CACNA1E: variants seen among roughly 807,000 people sequenced by gnomAD.
CACNA1E encodes calcium voltage-gated channel subunit alpha1 E, also known as voltage-dependent R-type calcium channel subunit alpha-1E.
Under a neutral mutation model 259.2 loss-of-function variants are expected in CACNA1E, and 40 were observed. That is an observed-to-expected ratio of 0.15 (90% CI 0.12 to 0.20). The LOEUF (loss-of-function observed/expected upper bound fraction) is 0.20. CACNA1E is among the 10% of genes least tolerant of loss of function. The pLI, the probability that CACNA1E is intolerant of heterozygous loss-of-function variation, is 1.00. For synonymous variants in CACNA1E, 1,104 were observed against 1,138.5 expected (o/e 0.97, Z 0.61); for missense variants, 1,874 against 3,040.1 (o/e 0.62, Z 9.02).
chr1:181,454,280 T>G (rs1408258013), intron 2 of CACNA1E, among the ~76,000 whole-genome samples: 2 of 152,166 alleles, frequency 1.3e-5, no homozygotes, highest in Non-Finnish European at 2.9e-5. Flanking sequence ...CCCACCCCGC[T>G]CCCCAGAGCC....
At chr1:181,680,574 A>G (rs1433820895) in intron 7 of CACNA1E, among the ~76,000 whole-genome samples, 1 of 152,050 alleles carries the variant, frequency 6.6e-6, no homozygotes, top group East Asian at 1.9e-4. Context: ...TGCTTCTCAC[A>G]CGCCCTGCCT....
intron 7 of CACNA1E, among the ~76,000 whole-genome samples, chr1:181,666,209 G>T (rs1179755317): frequency 6.6e-6 from 1 of 152,118 alleles, no homozygotes; most frequent in East Asian, 1.9e-4. Context: ...TTTAATTATA[G>T]AATTTGTATA....
intron 6 of CACNA1E, among the ~76,000 whole-genome samples, chr1:181,640,752 A>T (rs1385608733): frequency 6.6e-6 from 1 of 152,202 alleles, no homozygotes; most frequent in Non-Finnish European, 1.5e-5. Context: ...TGATATATTT[A>T]TTTCCAGAGA....
chr1:181,757,244 G>A, intron 30 of CACNA1E, 118 bp downstream of exon 30: 1 of 706,120 alleles, frequency 1.4e-6, no homozygotes, highest in East Asian at 2.7e-5. Context: ...ATAGAGAGAA[G>A]ATGGGAAAAG....
chr1:181,339,592 TAG>T lies in CACNA1E; in HGVS notation c.-15+21472_-15+21473del, dbSNP rs199780521. Among the ~76,000 whole-genome samples the T allele has an allele frequency of 6.6e-3, 1,002 of 152,220 alleles. 10 individuals are homozygous for T. Among genetic ancestry groups the T allele is most frequent in the African/African-American group, 0.023 (951 of 41,568 alleles). Reference sequence around the variant, plus strand: ...CCCAAATAACCTTCCAAGGAAATTGTAGAGTTTATTCATCTACCGACATAGTA... The same window carrying T: ...CCCAAATAACCTTCCAAGGAAATTGTAGTTTATTCATCTACCGACATAGTA... On this transcript the variant is annotated intron_variant, in intron 1 of 11. Coordinates refer to the CACNA1E transcript ENST00000524607.
intron 6 of CACNA1E, among the ~76,000 whole-genome samples, chr1:181,631,892 C>A (rs956470634): frequency 1.4e-4 from 21 of 152,270 alleles, no homozygotes; most frequent in African/African-American, 5.1e-4. Context: ...TTTGAAGACT[C>A]CATAAGCCCA....
intron 7 of CACNA1E, among the ~76,000 whole-genome samples, chr1:181,677,120 G>A (rs1352810269): frequency 6.6e-6 from 1 of 152,094 alleles, no homozygotes; most frequent in Non-Finnish European, 1.5e-5. Flanking sequence ...CTGTAATAGG[G>A]TAGGACTGGG....
chr1:181,683,616 T>C (rs1312811828), intron 7 of CACNA1E, among the ~76,000 whole-genome samples: 1 of 152,184 alleles, frequency 6.6e-6, no homozygotes, highest in Non-Finnish European at 1.5e-5. Context: ...TTGGCCCTGA[T>C]ATCTATTGTT....
At chr1:181,601,129 G>A (rs750320665) in intron 6 of CACNA1E, among the ~76,000 whole-genome samples, 2 of 152,084 alleles carry the variant, frequency 1.3e-5, no homozygotes, top group Non-Finnish European at 2.9e-5. Flanking sequence ...CCACCCCATG[G>A]GCTAGCTGAA....
At chr1:181,738,146 G>A (rs951972899) in intron 23 of CACNA1E, among the ~76,000 whole-genome samples, 1 of 152,202 alleles carries the variant, frequency 6.6e-6, no homozygotes, top group Non-Finnish European at 1.5e-5. Flanking sequence ...GCCAAGGAGT[G>A]GCCACTGGGT....
intron 2 of CACNA1E, among the ~76,000 whole-genome samples, chr1:181,416,450 A>C (rs1337759001): frequency 6.6e-6 from 1 of 152,176 alleles, no homozygotes; most frequent in Non-Finnish European, 1.5e-5. Context: ...CTTATCTGCT[A>C]TCCTGTAAGC....
intron 6 of CACNA1E, among the ~76,000 whole-genome samples, chr1:181,630,422 C>T (rs1166018847): frequency 6.7e-6 from 1 of 149,888 alleles, no homozygotes; most frequent in African/African-American, 2.5e-5. Context: ...ATTCATTCAT[C>T]TCTTACTTTG....
chr1:181,596,401 C>T (rs779502141), intron 6 of CACNA1E, among the ~76,000 whole-genome samples: 16 of 152,332 alleles, frequency 1.1e-4, no homozygotes, highest in South Asian at 4.1e-4. Context: ...CTGCTTGTCA[C>T]GGTCACGTGC....
chr1:181,698,964 TG>T (rs1314544033), intron 7 of CACNA1E, among the ~76,000 whole-genome samples: 6 of 152,192 alleles, frequency 3.9e-5, no homozygotes, highest in Non-Finnish European at 2.9e-5. Context: ...CTGAATATAG[TG>T]AAGAATTTCC....
intron 7 of CACNA1E, among the ~76,000 whole-genome samples, chr1:181,710,627 TTTG>T (rs1347856254): frequency 1.3e-5 from 2 of 152,178 alleles, no homozygotes; most frequent in African/African-American, 4.8e-5. Flanking sequence ...GTTAAGGGTT[TTTG>T]TTGTAGCTGA....
chr1:181,760,994 C>T (rs1373886911), intron 32 of CACNA1E, among the ~76,000 whole-genome samples: 2 of 152,134 alleles, frequency 1.3e-5, no homozygotes, highest in African/African-American at 4.8e-5. Context: ...AATAGGAGAG[C>T]CCTGAGAATT....
At chr1:181,423,173 C>G (rs1571833399) in intron 2 of CACNA1E, among the ~76,000 whole-genome samples, 1 of 152,280 alleles carries the variant, frequency 6.6e-6, no homozygotes, top group East Asian at 1.9e-4. Flanking sequence ...TTATCTCAAA[C>G]TGACAGGCAT....
At chr1:181,433,071 A>G (rs956002748) in intron 2 of CACNA1E, among the ~76,000 whole-genome samples, 10 of 152,218 alleles carry the variant, frequency 6.6e-5, no homozygotes, top group Non-Finnish European at 1.3e-4. Context: ...GCAGCTGCAC[A>G]CCTCTCCTGG....
intron 7 of CACNA1E, among the ~76,000 whole-genome samples, chr1:181,658,845 T>C (rs1250315729): frequency 1.3e-5 from 2 of 152,156 alleles, no homozygotes; most frequent in East Asian, 1.9e-4. Flanking sequence ...CTGGTTTCTT[T>C]TTCTCATTCT....
Sources: allele counts gnomAD v4.1 joint callset (sites outside exome capture counted in the v4.1 genomes callset), GRCh38; gene constraint gnomAD v4.1.1; transcripts MANE v1.5; gene names NCBI Gene and HGNC (gene_info 2026-07-23, HGNC 2026-07-21).